GNAQ: variants seen among roughly 807,000 people sequenced by gnomAD.
GNAQ encodes the protein G protein subunit alpha q.
In GNAQ, 8 loss-of-function variants were observed where a neutral mutation model predicts 43.9. The ratio of observed to expected loss-of-function variants is 0.18; its 90% CI spans 0.11 to 0.33. The LOEUF (loss-of-function observed/expected upper bound fraction) is 0.33. GNAQ is among the 10% of genes least tolerant of loss of function. The pLI is 1.00. For synonymous variants in GNAQ, 155 were observed against 170.7 expected, an observed-to-expected ratio of 0.91 and a Z score of 0.71; for missense variants, 158 against 450.8, an observed-to-expected ratio of 0.35 and a Z score of 5.88.
intron 1 of GNAQ, among the ~76,000 whole-genome samples, chr9:77,939,431 T>C (rs893962262): frequency 6.6e-6 from 1 of 152,216 alleles, no homozygotes; most frequent in Non-Finnish European, 1.5e-5. Context: ...TGAAAACTCA[T>C]TTATTTTTAC....
At position 77,717,719 on chromosome 9, in the gene GNAQ, T is replaced by TA. The variant is rs1454390667; in HGVS notation, c.*3603dup. 4.3e-6 allele frequency: 1 copy of TA among 231,198 alleles called. No individual in the cohort carries two copies. Among genetic ancestry groups the TA allele is most frequent in the African/African-American group, 2.2e-5 (1 of 44,604 alleles). 14.3% of individuals were successfully genotyped at this position (231,198 alleles called of 1,614,324 possible). ...AATTACCTTTTTAAAATAGGCCTGCTAGTTAATCTACCAAAAAAAAAAAAA... is the reference window on the plus strand; with the variant it reads ...AATTACCTTTTTAAAATAGGCCTGCTAAGTTAATCTACCAAAAAAAAAAAAA... On this transcript the variant is annotated 3_prime_UTR_variant, in exon 7 of 7. Transcript: ENST00000286548.
Position 77,752,591 on chromosome 9 carries a change from C to T in GNAQ, c.736-23924G>A, listed in dbSNP as rs188758826. ...ACCCACAAAGTTATTTCTGGTGAAG[C>T]CAAGACTAGAACTCGGTTTTCTCAA... On this transcript the variant is annotated intron_variant, in intron 5 of 6. Transcript: ENST00000286548. Among the ~76,000 whole-genome samples the T allele has an allele frequency of 2.2e-3, 335 of 152,302 alleles. 2 individuals are homozygous for T. The highest frequency in any genetic ancestry group is 4.6e-4 in the Non-Finnish European group (31 of 68,032).
At chr9:77,958,534 G>A (rs568071367) in intron 1 of GNAQ, among the ~76,000 whole-genome samples, 1 of 152,326 alleles carries the variant, frequency 6.6e-6, no homozygotes, top group African/African-American at 2.4e-5. Context: ...AAAATTGACA[G>A]AATGTAAGAA....
intron 1 of GNAQ, among the ~76,000 whole-genome samples, chr9:78,030,874 CGTGTGTGTGTCGCTGTGTGTGTGT>C (rs1199749156): frequency 6.8e-6 from 1 of 146,324 alleles, no homozygotes; most frequent in African/African-American, 2.6e-5. Context: ...CCCTGTGCTG[CGTGTGTGTGTCGCTGTGTGTGTGT>C]GTGTGTGTGT....
intron 6 of GNAQ, among the ~76,000 whole-genome samples, chr9:77,725,686 T>C (rs1393985251): frequency 3.3e-5 from 5 of 151,460 alleles, no homozygotes; most frequent in South Asian, 2.1e-4. Flanking sequence ...GGGGAAATTA[T>C]TGGAGAAAGG....
At chr9:78,026,248 G>A (rs1435477057) in intron 1 of GNAQ, among the ~76,000 whole-genome samples, 6 of 152,042 alleles carry the variant, frequency 3.9e-5, no homozygotes, top group African/African-American at 1.2e-4. Context: ...ATAGCATATA[G>A]GGGTAAGGAT....
intron 2 of GNAQ, among the ~76,000 whole-genome samples, chr9:77,820,387 G>A (rs1254509883): frequency 6.6e-6 from 1 of 152,342 alleles, no homozygotes; most frequent in East Asian, 1.9e-4. Context: ...TATGCAGAGT[G>A]ACAGTTGTTG....
At chr9:77,821,202 G>A (rs2118526458) in intron 2 of GNAQ, among the ~76,000 whole-genome samples, 1 of 151,642 alleles carries the variant, frequency 6.6e-6, no homozygotes, top group African/African-American at 2.4e-5. Context: ...CTCCATTATG[G>A]TCACCAAGAT....
intron 5 of GNAQ, among the ~76,000 whole-genome samples, chr9:77,763,080 C>A (rs2118344953): frequency 6.7e-6 from 1 of 150,270 alleles, no homozygotes; most frequent in South Asian, 2.1e-4. Flanking sequence ...GTGAGAAACA[C>A]CCAAGAATGA....
chr9:78,019,567 T>C (rs1052368288), intron 1 of GNAQ, among the ~76,000 whole-genome samples: 1 of 152,234 alleles, frequency 6.6e-6, no homozygotes, highest in African/African-American at 2.4e-5. Flanking sequence ...TTATTAAAAA[T>C]TATTCAAATT....
chr9:77,982,617 C>T (rs1231652778), intron 1 of GNAQ, among the ~76,000 whole-genome samples: 1 of 151,722 alleles, frequency 6.6e-6, no homozygotes. Context: ...GAAGTATTTA[C>T]AGCACCTGAA....
chr9:77,890,552 C>T (rs543101979), intron 2 of GNAQ, among the ~76,000 whole-genome samples: 4 of 152,192 alleles, frequency 2.6e-5, no homozygotes, highest in Admixed American at 2.6e-4. Context: ...GGAGAAACCC[C>T]GTCTCTACTA....
At chr9:77,881,858 C>T (rs927612501) in intron 2 of GNAQ, among the ~76,000 whole-genome samples, 5 of 152,178 alleles carry the variant, frequency 3.3e-5, no homozygotes, top group Admixed American at 2.6e-4. Context: ...GCATTATGGG[C>T]CGGGCATGGT....
intron 1 of GNAQ, among the ~76,000 whole-genome samples, chr9:77,934,372 A>AT (rs1175438211): frequency 6.6e-6 from 1 of 152,204 alleles, no homozygotes; most frequent in Non-Finnish European, 1.5e-5. Flanking sequence ...AATAATTCAA[A>AT]TAAGTTGACT....
intron 1 of GNAQ, among the ~76,000 whole-genome samples, chr9:78,021,157 C>T (rs1456959949): frequency 1.4e-5 from 2 of 148,070 alleles, no homozygotes; most frequent in Admixed American, 6.9e-5. Context: ...TCCTAAGTAA[C>T]TGGGACCACA....
intron 5 of GNAQ, among the ~76,000 whole-genome samples, chr9:77,766,378 A>G (rs1032491321): frequency 1.3e-5 from 2 of 152,344 alleles, no homozygotes; most frequent in South Asian, 2.1e-4. Flanking sequence ...TGTAAAGTAC[A>G]TATTAGAAAG....
At chr9:77,822,627 A>C (rs1363949060) in intron 2 of GNAQ, among the ~76,000 whole-genome samples, 1 of 150,376 alleles carries the variant, frequency 6.6e-6, no homozygotes, top group African/African-American at 2.4e-5. Flanking sequence ...TTTTGATTAA[A>C]AAAAAAAAAA....
At chr9:77,826,976 A>G (rs1334648066) in intron 2 of GNAQ, among the ~76,000 whole-genome samples, 2 of 152,212 alleles carry the variant, frequency 1.3e-5, no homozygotes, top group African/African-American at 2.4e-5. Flanking sequence ...TCTTACCAAC[A>G]TGCTGTAGCA....
At chr9:77,760,043 G>A (rs1478820605) in intron 5 of GNAQ, among the ~76,000 whole-genome samples, 1 of 142,674 alleles carries the variant, frequency 7.0e-6, no homozygotes, top group African/African-American at 2.5e-5. Context: ...TTACAGGCAT[G>A]AGCCACCATG....
Sources: gnomAD v4.1 joint callset for allele counts (sites outside exome capture counted in the v4.1 genomes callset) on GRCh38, gnomAD v4.1.1 for gene constraint, MANE v1.5 for transcripts, NCBI Gene and HGNC (gene_info 2026-07-23, HGNC 2026-07-21) for gene names.